Variants in CACNA1S observed in about 807,000 individuals in gnomAD.
CACNA1S encodes calcium voltage-gated channel subunit alpha1 S.
Under a neutral mutation model 207.4 loss-of-function variants are expected in CACNA1S, and 126 were observed. That is an observed-to-expected ratio of 0.61 (90% CI 0.53 to 0.70). The LOEUF is 0.70. Ranked by LOEUF, CACNA1S falls within the 30% of genes least tolerant of loss-of-function variation. The pLI is 0.00. For missense variants in CACNA1S, 2,349 were observed against 2,422.8 expected (o/e 0.97, Z 0.64); for synonymous variants, 960 against 932.7 (o/e 1.03, Z -0.53).
intron 11 of CACNA1S, 138 bp downstream of exon 11, chr1:201,077,741 G>C: frequency 1.6e-6 from 1 of 621,084 alleles, no homozygotes; most frequent in Non-Finnish European, 2.9e-6. Context: ...TTATTTCAAG[G>C]AGGGAGGGAA....
intron 28 of CACNA1S, among the ~76,000 whole-genome samples, chr1:201,057,302 G>A (rs886404370): frequency 2.0e-5 from 3 of 152,186 alleles, no homozygotes; most frequent in African/African-American, 7.2e-5. Flanking sequence ...CTGCTGTCGT[G>A]TTCTGCCAAC....
chr1:201,092,130 G>C lies in CACNA1S; in HGVS notation c.399-16C>G. On this transcript the variant is annotated splice_polypyrimidine_tract_variant and intron_variant, in intron 3 of 43. Coordinates refer to ENST00000362061, the MANE Select transcript of CACNA1S (RefSeq NM_000069.3). ...GGTGAAGACCCTAGAATGGAGAAGAGGGAGAGAGGGGGTCCAGGGGTTGGA... is the reference window on the plus strand; with the variant it reads ...GGTGAAGACCCTAGAATGGAGAAGACGGAGAGAGGGGGTCCAGGGGTTGGA... 6.2e-7 allele frequency: 1 copy of C among 1,614,062 alleles called. No homozygotes were observed. Among genetic ancestry groups the C allele is most frequent in the Admixed American group, 1.7e-5 (1 of 60,024 alleles).
rs774432201 is a variant in CACNA1S, at chr1:201,040,606, C to T, written c.5226+16G>A. ...TCTCTGTATGGAGTTTGCTCCCAGGCCTCTGCCACTGTTACCTGGCAGGGG... is the reference window on the plus strand; with the variant it reads ...TCTCTGTATGGAGTTTGCTCCCAGGTCTCTGCCACTGTTACCTGGCAGGGG... On this transcript the variant is annotated intron_variant, in intron 42 of 43. Transcript: ENST00000362061. 2.5e-6 allele frequency: 4 copies of T among 1,609,966 alleles called. No individual in the cohort carries two copies. Among genetic ancestry groups the T allele is most frequent in the South Asian group, 2.2e-5 (2 of 90,960 alleles).
At chr1:201,089,149 G>A in intron 6 of CACNA1S, 109 bp downstream of exon 6, 8 of 999,044 alleles carry the variant, frequency 8.0e-6, no homozygotes, top group African/African-American at 3.2e-5. Context: ...CTGTGGTCAC[G>A]CAAGTCAGAG....
chr1:201,060,414 C>T (rs1438170255), intron 26 of CACNA1S, among the ~76,000 whole-genome samples: 1 of 152,202 alleles, frequency 6.6e-6, no homozygotes, highest in Non-Finnish European at 1.5e-5. Flanking sequence ...TCTGTGGTAG[C>T]TATCTCCTGT....
At chr1:201,082,947 G>A (rs1558075284) in intron 10 of CACNA1S, among the ~76,000 whole-genome samples, 2 of 152,120 alleles carry the variant, frequency 1.3e-5, no homozygotes, top group African/African-American at 4.8e-5. Context: ...AGGAAAATTG[G>A]GTATGTTGCT....
chr1:201,072,718 C>T (rs1453056359), intron 16 of CACNA1S, 37 bp downstream of exon 16: 9 of 1,554,970 alleles, frequency 5.8e-6, no homozygotes, highest in Non-Finnish European at 8.0e-6. Context: ...TACTTCACCC[C>T]AGCACCCTGC....
At chr1:201,040,488 T>A in intron 42 of CACNA1S, 114 bp from the exon 43 acceptor site, 1 of 1,457,412 alleles carries the variant, frequency 6.9e-7, no homozygotes, top group South Asian at 1.2e-5. Context: ...AAGGGGAGGA[T>A]GGAGGGATCC....
intron 23 of CACNA1S, 73 bp downstream of exon 23, chr1:201,062,389 C>T: frequency 6.9e-7 from 1 of 1,450,078 alleles, no homozygotes. Context: ...TCCCACAGTG[C>T]TCCCTGCCCC....
At chr1:201,051,169 A>G in intron 32 of CACNA1S, 26 bp from the exon 33 acceptor site, 1 of 1,613,542 alleles carries the variant, frequency 6.2e-7, no homozygotes, top group Non-Finnish European at 8.5e-7. Context: ...GGCTCCTGTC[A>G]CCTATCTGCT....
At chr1:201,104,433 T>C (rs1230464077) in intron 2 of CACNA1S, among the ~76,000 whole-genome samples, 1 of 152,270 alleles carries the variant, frequency 6.6e-6, no homozygotes, top group Non-Finnish European at 1.5e-5. Context: ...CCTCTAGAGA[T>C]GCAAATGAAT....
intron 11 of CACNA1S, 75 bp downstream of exon 11, chr1:201,077,804 T>G: frequency 1.4e-4 from 134 of 966,894 alleles, no homozygotes; most frequent in Non-Finnish European, 1.9e-4. Flanking sequence ...CCTCAGGAAA[T>G]GAGATGGGTG....
chr1:201,069,836 G>T (rs141674038), intron 17 of CACNA1S, among the ~76,000 whole-genome samples: 2 of 152,230 alleles, frequency 1.3e-5, no homozygotes, highest in African/African-American at 2.4e-5. Context: ...CCCACCACCT[G>T]CCCCTTCCTG....
intron 38 of CACNA1S, among the ~76,000 whole-genome samples, chr1:201,046,410 A>T (rs937094390): frequency 1.3e-5 from 2 of 152,086 alleles, no homozygotes; most frequent in Non-Finnish European, 2.9e-5. Context: ...CAAACTCCTG[A>T]CCTCAAGTGA....
chr1:201,053,142 G>C lies in CACNA1S; in HGVS notation c.3861+67C>G. ...CCCGTGTGCTGCTCAGGCTCCTCAG[G>C]GTCCACTGATGCCCCCTCTAACTTG... On this transcript the variant is annotated intron_variant, in intron 31 of 43. Coordinates refer to ENST00000362061, the MANE Select transcript of CACNA1S (RefSeq NM_000069.3). This position sits in a 1 kb window ranked among gnomAD's most constrained non-coding sequence, Gnocchi z 5.1. 2 of 1,567,960 alleles carry C rather than the reference G, an allele frequency of 1.3e-6. No homozygotes were observed. Among genetic ancestry groups the C allele is most frequent in the Non-Finnish European group, 1.8e-6 (2 of 1,138,020 alleles).
intron 7 of CACNA1S, among the ~76,000 whole-genome samples, chr1:201,086,874 G>A (rs1024894698): frequency 2.6e-5 from 4 of 152,186 alleles, no homozygotes; most frequent in African/African-American, 9.7e-5. Flanking sequence ...CAAGTCATAG[G>A]CCCTGCTAAT....
At position 201,040,213 on chromosome 1, in the gene CACNA1S, ACCCAGCCCCTGG is replaced by A. The variant is rs1356046576; in HGVS notation, c.5370+6_5370+17del. The A allele has an allele frequency of 6.2e-7, 1 of 1,612,960 alleles. No homozygotes were observed. Among genetic ancestry groups the A allele is most frequent in the Non-Finnish European group, 8.5e-7 (1 of 1,180,040 alleles). On this transcript the variant is annotated splice_donor_region_variant and intron_variant, in intron 43 of 43. Transcript: ENST00000362061. ...ACCACTCAATGCAGCCACTGCTGTG[ACCCAGCCCCTGG>A]CTCACCTTTTGGATCAGCAGGGCTG...
chr1:201,089,404 G>T lies in CACNA1S; in HGVS notation c.754C>A (p.Arg252Ser), dbSNP rs151005797. Reference protein sequence around the residue: ...PSPCARTGSGRRCTINGSECR... With the variant: ...PSPCARTGSGSRCTINGSECR... Reference sequence around the variant, plus strand: ...TCACTGCCATTGATGGTGCACCGGCGCCCTGAGCCCGTCCTGGCGCAGGGC... The same window carrying T: ...TCACTGCCATTGATGGTGCACCGGCTCCCTGAGCCCGTCCTGGCGCAGGGC... Residue 252 changes from arginine to serine, a missense_variant, in exon 6 of 44, where the codon CGC becomes AGC. Arg to Ser is a moderately radical substitution (Grantham distance 110, BLOSUM62 -1). Transcript: ENST00000362061. The T allele has an allele frequency of 6.2e-7, 1 of 1,614,176 alleles. No individual in the cohort carries two copies. Among genetic ancestry groups the T allele is most frequent in the Non-Finnish European group, 8.5e-7 (1 of 1,180,032 alleles).
At chr1:201,110,578 C>T (rs1663061535) in intron 1 of CACNA1S, among the ~76,000 whole-genome samples, 1 of 152,232 alleles carries the variant, frequency 6.6e-6, no homozygotes, top group African/African-American at 2.4e-5. Context: ...CTTCACACCG[C>T]TCCACTCTCA....
Sources: allele counts gnomAD v4.1 joint callset (sites outside exome capture counted in the v4.1 genomes callset), GRCh38; gene constraint gnomAD v4.1.1; non-coding constraint Gnocchi (gnomAD v3.1); transcripts MANE v1.5; gene names NCBI Gene and HGNC (gene_info 2026-07-23, HGNC 2026-07-21).